The following HLCS variants were observed in gnomAD, a reference collection of about 807,000 sequenced individuals.
HLCS encodes the protein holocarboxylase synthetase, also known as biotin--protein ligase.
In HLCS, 53 loss-of-function variants were observed where a neutral mutation model predicts 75.0. That is an observed-to-expected ratio of 0.71 (90% CI 0.57 to 0.89). The LOEUF is 0.89. HLCS is among the 40% of genes least tolerant of loss of function. The pLI is 0.00. For synonymous variants in HLCS, 431 were observed against 428.6 expected, an observed-to-expected ratio of 1.01 and a Z score of -0.07; for missense variants, 966 against 1,074.0, an observed-to-expected ratio of 0.90 and a Z score of 1.41.
At chr21:36,947,431 G>A (rs2067457677) in intron 2 of HLCS, 2 of 985,348 alleles carry the variant, frequency 2.0e-6, no homozygotes, top group African/African-American at 1.7e-5. Flanking sequence ...GCAGAACCGC[G>A]CTGTCACTGA....
intron 6 of HLCS, among the ~76,000 whole-genome samples, chr21:36,872,886 A>C (rs1569129092): frequency 6.6e-6 from 1 of 152,162 alleles, no homozygotes; most frequent in African/African-American, 2.4e-5. Context: ...GCTTTTATTT[A>C]AAAATTGCTC....
At chr21:36,979,631 C>A (rs180845801) in intron 1 of HLCS, among the ~76,000 whole-genome samples, 3 of 152,082 alleles carry the variant, frequency 2.0e-5, no homozygotes, top group Non-Finnish European at 4.4e-5. Flanking sequence ...AACAGCAATA[C>A]GGACCAGGCA....
At chr21:36,935,526 TA>T (rs1463834136) in intron 4 of HLCS, among the ~76,000 whole-genome samples, 5 of 152,106 alleles carry the variant, frequency 3.3e-5, no homozygotes. Flanking sequence ...TCTATCTCAA[TA>T]AAAAGATCCC....
At chr21:36,914,226 T>C (rs1434732800) in intron 5 of HLCS, among the ~76,000 whole-genome samples, 1 of 152,084 alleles carries the variant, frequency 6.6e-6, no homozygotes, top group Non-Finnish European at 1.5e-5. Context: ...TGGTTATGCG[T>C]CCCCTCTCAC....
At chr21:36,959,359 T>C (rs2068151246) in intron 2 of HLCS, among the ~76,000 whole-genome samples, 1 of 152,128 alleles carries the variant, frequency 6.6e-6, no homozygotes, top group South Asian at 2.1e-4. Context: ...ACCACGAGGA[T>C]GGGAGGGAGG....
intron 5 of HLCS, among the ~76,000 whole-genome samples, chr21:36,918,799 C>T (rs1365461165): frequency 6.6e-6 from 1 of 152,218 alleles, no homozygotes; most frequent in Non-Finnish European, 1.5e-5. Flanking sequence ...AACAAGGACA[C>T]AGAAATCAAC....
rs77333509 is a variant in HLCS at position 36,885,692 on chromosome 21, A to G, written c.1892+11168T>C. Among the ~76,000 whole-genome samples, 342 of 152,280 alleles carry G rather than the reference A, an allele frequency of 2.2e-3. 1 individual carries two copies. Among genetic ancestry groups the G allele is most frequent in the African/African-American group, 7.8e-3 (326 of 41,562 alleles). On this transcript the variant is annotated intron_variant, in intron 6 of 10. Transcript: ENST00000674895. ...ATCTATGTACTAAGAGTCTGCTGAC[A>G]TATTATCTCGGCGCATCCTCACCCT...
At chr21:36,774,251 C>G (rs2060291943) in intron 6 of HLCS, among the ~76,000 whole-genome samples, 1 of 152,052 alleles carries the variant, frequency 6.6e-6, no homozygotes, top group African/African-American at 2.4e-5. Flanking sequence ...GCCAGGGACC[C>G]TGGGGATATT....
chr21:36,919,454 A>T (rs2066067981), intron 5 of HLCS, among the ~76,000 whole-genome samples: 1 of 152,222 alleles, frequency 6.6e-6, no homozygotes, highest in Admixed American at 6.5e-5. Flanking sequence ...TGAACGATGG[A>T]GAAGTAGAAA....
chr21:36,982,760 G>A (rs1569275896), intron 1 of HLCS, among the ~76,000 whole-genome samples: 1 of 152,220 alleles, frequency 6.6e-6, no homozygotes, highest in African/African-American at 2.4e-5. Flanking sequence ...GCCAAGTGCA[G>A]TGGATCACGC....
chr21:36,804,420 T>C (rs1035571683), intron 6 of HLCS, among the ~76,000 whole-genome samples: 7 of 152,140 alleles, frequency 4.6e-5, no homozygotes, highest in Admixed American at 4.6e-4. Context: ...GCTGGGTTCC[T>C]CCATATACCA....
At chr21:36,944,243 CATT>C (rs1036521964) in intron 2 of HLCS, 3 of 152,176 alleles carry the variant, frequency 2.0e-5, no homozygotes, top group Non-Finnish European at 4.4e-5. Flanking sequence ...ATTTCAAAAA[CATT>C]ATGTTGAGTG....
chr21:36,912,297 CA>C (rs747666616), intron 5 of HLCS, among the ~76,000 whole-genome samples: 1,897 of 112,222 alleles, frequency 0.017, 23 homozygotes, highest in African/African-American at 0.048. Flanking sequence ...ATTATTCAGC[CA>C]AAAAAAAAAA....
chr21:36,867,651 A>C (rs1271017895), intron 6 of HLCS, among the ~76,000 whole-genome samples: 1 of 152,208 alleles, frequency 6.6e-6, no homozygotes, highest in African/African-American at 2.4e-5. Flanking sequence ...GTCACATGTT[A>C]AAGACGGCAG....
rs141509819 is a variant in HLCS, at chr21:36,916,206, T to C, written c.1620+14045A>G. Among the ~76,000 whole-genome samples, 630 of 152,168 alleles carry C rather than the reference T, an allele frequency of 4.1e-3. 5 individuals carry two copies. Among genetic ancestry groups the C allele is most frequent in the African/African-American group, 0.014 (580 of 41,510 alleles). ...AGTCACGATACTTGGGTTAGGAAAT[T>C]GCAAGAAAAAATTCAAATCCTATAC... On this transcript the variant is annotated intron_variant, in intron 5 of 10. Transcript: ENST00000674895.
chr21:36,943,711 C>T (rs1344748892), intron 2 of HLCS: 1 of 151,990 alleles, frequency 6.6e-6, no homozygotes, highest in African/African-American at 2.4e-5. Flanking sequence ...CCCCGCTACT[C>T]AGGAGGCTGA....
intron 1 of HLCS, among the ~76,000 whole-genome samples, chr21:36,985,064 G>T (rs2069201943): frequency 6.6e-6 from 1 of 152,098 alleles, no homozygotes; most frequent in African/African-American, 2.4e-5. Flanking sequence ...ACTTCAAGCT[G>T]TATTTCCTAA....
intron 6 of HLCS, among the ~76,000 whole-genome samples, chr21:36,772,950 C>T (rs908898660): frequency 1.4e-5 from 2 of 140,628 alleles, no homozygotes; most frequent in Admixed American, 7.7e-5. Context: ...CACTGCACTC[C>T]AGCCAGGTGA....
At chr21:36,764,817 T>G (rs2089976380) in intron 8 of HLCS, among the ~76,000 whole-genome samples, 195 bp downstream of exon 8, 1 of 152,244 alleles carries the variant, frequency 6.6e-6, no homozygotes, top group African/African-American at 2.4e-5. Context: ...GGGGAATGAA[T>G]GCATTCAGGC....
Sources: gnomAD v4.1 joint callset for allele counts (sites outside exome capture counted in the v4.1 genomes callset) on GRCh38, gnomAD v4.1.1 for gene constraint, MANE v1.5 for transcripts, NCBI Gene and HGNC (gene_info 2026-07-23, HGNC 2026-07-21) for gene names.